The following TMEM65 variants were observed in gnomAD, a reference collection of about 807,000 sequenced individuals.
TMEM65 encodes the protein transmembrane protein 65.
Under a neutral mutation model 25.4 loss-of-function variants are expected in TMEM65, and 22 were observed. The ratio of observed to expected loss-of-function variants is 0.86; its 90% CI spans 0.62 to 1.23. The LOEUF (loss-of-function observed/expected upper bound fraction) is 1.23, where lower values mean the gene tolerates loss of function less well. Among genes scored for constraint, TMEM65 ranks in the 50% most tolerant of loss-of-function variants. TMEM65 has a pLI of 0.00. For missense variants in TMEM65, 262 were observed against 308.2 expected (o/e 0.85, Z 1.12); for synonymous variants, 132 against 126.2 (o/e 1.05, Z -0.31).
chr8:124,355,014 T>C (rs910703508), intron 1 of TMEM65, among the ~76,000 whole-genome samples: 24 of 151,854 alleles, frequency 1.6e-4, no homozygotes, highest in African/African-American at 5.6e-4. Context: ...GAGAACAACA[T>C]GAAGAAAAGC....
chr8:124,347,752 G>T (rs1814655591), intron 1 of TMEM65, among the ~76,000 whole-genome samples: 1 of 152,160 alleles, frequency 6.6e-6, no homozygotes, highest in Admixed American at 6.5e-5. Flanking sequence ...GAGGACAGGA[G>T]TTGGCCAGAA....
chr8:124,364,412 GAC>G (rs1432524923), intron 1 of TMEM65, among the ~76,000 whole-genome samples: 1 of 152,198 alleles, frequency 6.6e-6, no homozygotes, highest in Non-Finnish European at 1.5e-5. Context: ...CTACCACTAT[GAC>G]AGAGTCTAAA....
In TMEM65 at chr8:124,318,903, C is replaced by G. The variant is rs149087238; in HGVS notation, c.621+1183G>C. On this transcript the variant is annotated intron_variant, in intron 6 of 6. Coordinates refer to ENST00000297632, the MANE Select transcript of TMEM65 (RefSeq NM_194291.3). ...TGCAGTCTGCTTCCATCCTAGCACT[C>G]CTAGCCTCTTCTACCTCGCTCTGTT... Among the ~76,000 whole-genome samples, 385 of 152,274 alleles carry G rather than the reference C, an allele frequency of 2.5e-3. 1 individual carries two copies. Among genetic ancestry groups the G allele is most frequent in the African/African-American group, 7.9e-3 (330 of 41,560 alleles).
intron 6 of TMEM65, among the ~76,000 whole-genome samples, chr8:124,318,369 GT>G (rs35876350): frequency 1.5e-5 from 1 of 64,954 alleles, no homozygotes; most frequent in African/African-American, 5.9e-5. Flanking sequence ...GCATGTTTTT[GT>G]TTTTTTTTTT....
At chr8:124,348,081 A>G (rs532707589) in intron 1 of TMEM65, among the ~76,000 whole-genome samples, 246 of 151,926 alleles carry the variant, frequency 1.6e-3, no homozygotes, top group African/African-American at 5.8e-3. Flanking sequence ...GGCAGTAGCC[A>G]GGATTACAGG....
chr8:124,350,200 A>G (rs941228864), intron 1 of TMEM65, among the ~76,000 whole-genome samples: 3 of 151,590 alleles, frequency 2.0e-5, no homozygotes, highest in Non-Finnish European at 4.4e-5. Flanking sequence ...AAGTTCTTAC[A>G]GCTTAGTTTT....
At chr8:124,331,759 A>G (rs1814434993) in intron 1 of TMEM65, among the ~76,000 whole-genome samples, 1 of 152,000 alleles carries the variant, frequency 6.6e-6, no homozygotes, top group South Asian at 2.1e-4. Context: ...CTAAAGATTT[A>G]GTACAACCAG....
At chr8:124,366,366 C>T (rs1367601649) in intron 1 of TMEM65, among the ~76,000 whole-genome samples, 1 of 152,180 alleles carries the variant, frequency 6.6e-6, no homozygotes, top group Non-Finnish European at 1.5e-5. Context: ...CTTGGGTCAA[C>T]AGTTCCAGTT....
At chr8:124,324,897 A>G (rs1257252742) in intron 3 of TMEM65, among the ~76,000 whole-genome samples, 1 of 152,066 alleles carries the variant, frequency 6.6e-6, no homozygotes, top group Admixed American at 6.6e-5. Flanking sequence ...TACCTGGTTC[A>G]TTATCCTTAA....
rs758154260 is a variant in TMEM65 at position 124,311,666 on chromosome 8, A to G, written c.*2294T>C. ...TATTTGTGGCAAGTAACATGAAACA[A>G]TGATCATATGAAGTCATTATCTTAA... On this transcript the variant is annotated 3_prime_UTR_variant, in exon 7 of 7. Coordinates refer to ENST00000297632, the MANE Select transcript of TMEM65 (RefSeq NM_194291.3). 10 of 152,272 alleles carry G rather than the reference A, an allele frequency of 6.6e-5. No individual in the cohort carries two copies. The highest frequency in any genetic ancestry group is 1.5e-4 in the Non-Finnish European group (10 of 67,992). The allele number at this position is 152,272 out of a possible 1,614,324, so 9.4% of individuals were successfully genotyped here. A position where few individuals can be genotyped will look rare whatever the true frequency, so the allele number is the denominator to read the frequency against.
At chr8:124,328,638 T>TATTAA (rs1814395876) in intron 2 of TMEM65, among the ~76,000 whole-genome samples, 2 of 152,208 alleles carry the variant, frequency 1.3e-5, no homozygotes, top group South Asian at 4.1e-4. Flanking sequence ...GGTAAAAGAC[T>TATTAA]TTATTCTAAT....
chr8:124,363,046 A>C (rs942336624), intron 1 of TMEM65, among the ~76,000 whole-genome samples: 2 of 152,214 alleles, frequency 1.3e-5, no homozygotes, highest in Non-Finnish European at 2.9e-5. Context: ...TTTTACAGTG[A>C]TCTTTGATCC....
intron 1 of TMEM65, among the ~76,000 whole-genome samples, chr8:124,347,286 C>T (rs971849705): frequency 2.6e-5 from 4 of 152,002 alleles, no homozygotes; most frequent in African/African-American, 7.2e-5. Context: ...ATATGTCTTA[C>T]GTAAAACCCA....
At chr8:124,317,388 A>AT (rs1223300248) in intron 6 of TMEM65, among the ~76,000 whole-genome samples, 3 of 152,124 alleles carry the variant, frequency 2.0e-5, no homozygotes, top group Admixed American at 1.3e-4. Flanking sequence ...ATTTTATTTG[A>AT]TTTCTTTATA....
At chr8:124,357,460 C>A (rs1030012370) in intron 1 of TMEM65, among the ~76,000 whole-genome samples, 33 of 152,254 alleles carry the variant, frequency 2.2e-4, no homozygotes, top group African/African-American at 7.9e-4. Context: ...TAAAGGAAAA[C>A]TAAAGGTTAG....
chr8:124,320,166 C>T lies in TMEM65; in HGVS notation c.541G>A (p.Ala181Thr). Residue 181 changes from alanine (A) to threonine (T), a missense_variant, in exon 6 of 7, where the codon GCT (alanine) becomes ACT (threonine). Transcript: ENST00000297632. ...GGAATTGACAGGCCTAACCTGGAAGCCAATGCTTCAACGTAGCCTGCAAGT... is the reference window on the plus strand; with the variant it reads ...GGAATTGACAGGCCTAACCTGGAAGTCAATGCTTCAACGTAGCCTGCAAGT... ...LGLAGYVEAL[A>T]SRLGLSIPDL... The T allele has an allele frequency of 6.2e-7, 1 of 1,613,066 alleles. No homozygotes were observed. Among genetic ancestry groups the T allele is most frequent in the Non-Finnish European group, 8.5e-7 (1 of 1,179,334 alleles).
intron 1 of TMEM65, among the ~76,000 whole-genome samples, chr8:124,335,040 A>G (rs575004709): frequency 6.6e-6 from 1 of 152,278 alleles, no homozygotes; most frequent in African/African-American, 2.4e-5. Flanking sequence ...AAACTCTTTG[A>G]ATAAATAATG....
chr8:124,335,807 G>A (rs929920289), intron 1 of TMEM65, among the ~76,000 whole-genome samples: 3 of 151,692 alleles, frequency 2.0e-5, no homozygotes, highest in African/African-American at 7.3e-5. Flanking sequence ...AAAGAATGCA[G>A]GAAAGGAAAA....
intron 1 of TMEM65, 89 bp downstream of exon 1, chr8:124,371,765 G>T: frequency 7.7e-7 from 1 of 1,307,018 alleles, no homozygotes; most frequent in Non-Finnish European, 1.0e-6. Context: ...GGGGGTCCAA[G>T]ATCCAGGGCC....
Sources: allele counts gnomAD v4.1 joint callset (sites outside exome capture counted in the v4.1 genomes callset), GRCh38; gene constraint gnomAD v4.1.1; transcripts MANE v1.5; gene names NCBI Gene and HGNC (gene_info 2026-07-23, HGNC 2026-07-21).